NRXN1: variants seen among roughly 807,000 people sequenced by gnomAD.
NRXN1 encodes neurexin 1, also known as neurexin-1.
A neutral mutation model predicts 150.9 loss-of-function variants in NRXN1; 39 were observed. That is an observed-to-expected ratio of 0.26 (90% confidence interval 0.20 to 0.34). The LOEUF is 0.34. Among genes scored for constraint, NRXN1 ranks in the 10% least tolerant of loss-of-function variants. The pLI is 1.00. For synonymous variants in NRXN1, 924 were observed against 757.0 expected (o/e 1.22, Z -3.62); for missense variants, 1,815 against 1,949.9 (o/e 0.93, Z 1.30).
intron 5 of NRXN1, among the ~76,000 whole-genome samples, chr2:50,764,301 A>T (rs1233296491): frequency 6.6e-6 from 1 of 151,984 alleles, no homozygotes; most frequent in Admixed American, 6.6e-5. Flanking sequence ...TTCCTAAAAA[A>T]TTCCAAGTTG....
intron 22 of NRXN1, among the ~76,000 whole-genome samples, chr2:49,929,033 C>A (rs1259890447): frequency 3.3e-5 from 5 of 152,166 alleles, no homozygotes; most frequent in African/African-American, 1.2e-4. Flanking sequence ...ATATTTTCCT[C>A]TGCTTCTTTC....
intron 8 of NRXN1, among the ~76,000 whole-genome samples, chr2:50,605,831 G>T (rs751886844): frequency 5.9e-5 from 9 of 152,094 alleles, no homozygotes; most frequent in Non-Finnish European, 1.3e-4. Flanking sequence ...ATTTTTAAGA[G>T]ATATTTGTAC....
At chr2:50,679,114 G>GGAA (rs769955208) in intron 5 of NRXN1, among the ~76,000 whole-genome samples, 1 of 151,926 alleles carries the variant, frequency 6.6e-6, no homozygotes, top group Non-Finnish European at 1.5e-5. Flanking sequence ...TTTTCTTCTT[G>GGAA]GAAGAAGAAG....
At chr2:50,820,333 A>G (rs891550789) in intron 5 of NRXN1, among the ~76,000 whole-genome samples, 16 of 152,092 alleles carry the variant, frequency 1.1e-4, no homozygotes, top group African/African-American at 3.9e-4. Context: ...CTTCCTGCAC[A>G]GGTGTTGTGT....
rs74576835 is a variant in NRXN1, at chr2:50,948,048, T to C, written c.773-22093A>G. Among the ~76,000 whole-genome samples, 1,489 of 151,550 alleles carry C rather than the reference T, an allele frequency of 9.8e-3. 9 individuals are homozygous for C. Among genetic ancestry groups the C allele is most frequent in the Middle Eastern group, 0.075 (22 of 294 alleles). On this transcript the variant is annotated intron_variant, in intron 2 of 22. Transcript: ENST00000401669. ...ATCCTGGCAAGTTATTTATTTTATT[T>C]TAAAATATATTAATATTTCAGAACA... is the stretch of plus-strand genomic sequence containing the variant.
intron 19 of NRXN1, among the ~76,000 whole-genome samples, chr2:50,080,577 C>T (rs987830765): frequency 6.6e-6 from 1 of 152,120 alleles, no homozygotes; most frequent in Non-Finnish European, 1.5e-5. Flanking sequence ...AAATGAAACT[C>T]TGAAACCATG....
chr2:50,566,421 T>C (rs542238911), intron 8 of NRXN1, among the ~76,000 whole-genome samples: 1,526 of 150,562 alleles, frequency 0.01, 33 homozygotes, highest in African/African-American at 0.036. Context: ...TTTTTTTTTT[T>C]TTTTTGTATT....
chr2:49,994,146 G>T (rs1369440177), intron 21 of NRXN1, among the ~76,000 whole-genome samples: 8 of 152,138 alleles, frequency 5.3e-5, no homozygotes, highest in Admixed American at 5.2e-4. Flanking sequence ...GTACGGGGGT[G>T]CTCCTCCTTA....
chr2:49,929,132 A>G (rs1035771618), intron 22 of NRXN1, among the ~76,000 whole-genome samples: 22 of 152,130 alleles, frequency 1.4e-4, no homozygotes, highest in Admixed American at 1.3e-4. Context: ...AGATCTAGGT[A>G]TTGAATGGGA....
chr2:50,116,656 T>A (rs888506166), intron 18 of NRXN1, among the ~76,000 whole-genome samples: 22 of 152,078 alleles, frequency 1.4e-4, no homozygotes, highest in Non-Finnish European at 3.2e-4. Flanking sequence ...ACTCTACCTC[T>A]TCCCCACATC....
At chr2:50,128,983 C>CGATAAATA (rs34350062) in intron 18 of NRXN1, among the ~76,000 whole-genome samples, 3,450 of 146,888 alleles carry the variant, frequency 0.023, 58 homozygotes, top group African/African-American at 0.041. Flanking sequence ...GACTCCATCT[C>CGATAAATA]AATAAATAAA....
At chr2:50,972,316 C>T (rs893310414) in intron 2 of NRXN1, among the ~76,000 whole-genome samples, 4 of 151,958 alleles carry the variant, frequency 2.6e-5, no homozygotes, top group Non-Finnish European at 4.4e-5. Context: ...TGGCCTGAAA[C>T]TTGCTTTATT....
intron 15 of NRXN1, among the ~76,000 whole-genome samples, chr2:50,490,147 T>C (rs1468372289): frequency 6.6e-6 from 1 of 152,204 alleles, no homozygotes. Flanking sequence ...AAACTTATTG[T>C]CTTTGTTCTG....
At chr2:50,132,306 CTTT>C (rs71401059) in intron 18 of NRXN1, among the ~76,000 whole-genome samples, 61 of 139,372 alleles carry the variant, frequency 4.4e-4, no homozygotes, top group Middle Eastern at 3.8e-3. Context: ...TCCCAAAACT[CTTT>C]TTTTTTTTTT....
intron 18 of NRXN1, among the ~76,000 whole-genome samples, chr2:50,235,758 C>T (rs537474648): frequency 6.4e-4 from 98 of 152,048 alleles, no homozygotes; most frequent in Middle Eastern, 3.4e-3. Context: ...ATAGAACAAA[C>T]TTCCATGGTC....
intron 12 of NRXN1, among the ~76,000 whole-genome samples, chr2:50,518,230 A>C (rs988051184): frequency 6.6e-6 from 1 of 152,110 alleles, no homozygotes; most frequent in Non-Finnish European, 1.5e-5. Flanking sequence ...TAAAACTAGC[A>C]ATCTTTAAAT....
At chr2:50,168,283 C>T (rs1460346324) in intron 18 of NRXN1, among the ~76,000 whole-genome samples, 1 of 152,104 alleles carries the variant, frequency 6.6e-6, no homozygotes, top group East Asian at 1.9e-4. Context: ...TCACCTGGCA[C>T]AGTAGCATAT....
At chr2:50,987,167 G>C (rs1166073223) in intron 2 of NRXN1, among the ~76,000 whole-genome samples, 4 of 151,828 alleles carry the variant, frequency 2.6e-5, no homozygotes, top group African/African-American at 9.7e-5. Flanking sequence ...GTCATAATTT[G>C]AGGTTTTAAT....
intron 18 of NRXN1, among the ~76,000 whole-genome samples, chr2:50,107,999 A>C (rs1701904321): frequency 6.6e-6 from 1 of 151,982 alleles, no homozygotes; most frequent in Non-Finnish European, 1.5e-5. Flanking sequence ...CACTCCACTA[A>C]CATTTGAAGG....
Sources: allele counts gnomAD v4.1 joint callset (sites outside exome capture counted in the v4.1 genomes callset), GRCh38; gene constraint gnomAD v4.1.1; transcripts MANE v1.5; gene names NCBI Gene and HGNC (gene_info 2026-07-23, HGNC 2026-07-21).